Variants in CADM1 observed in about 807,000 individuals in gnomAD.
CADM1 encodes TSLC-1.
Under a neutral mutation model 53.1 loss-of-function variants are expected in CADM1, and 15 were observed. That is an observed-to-expected ratio of 0.28 (90% CI 0.19 to 0.44). The LOEUF is 0.44. CADM1 is among the 20% of genes least tolerant of loss of function. The pLI, the probability that CADM1 is intolerant of heterozygous loss-of-function variation, is 1.00. For missense variants in CADM1, 434 were observed against 611.3 expected, an observed-to-expected ratio of 0.71 and a Z score of 3.06; for synonymous variants, 281 against 243.0, an observed-to-expected ratio of 1.16 and a Z score of -1.45.
chr11:115,458,499 T>TATTATC (rs1948726918), intron 1 of CADM1, among the ~76,000 whole-genome samples: 1 of 51,542 alleles, frequency 1.9e-5, no homozygotes, highest in South Asian at 3.6e-4. Flanking sequence ...CTGTAATTAT[T>TATTATC]ATTATTATTA....
intron 1 of CADM1, among the ~76,000 whole-genome samples, chr11:115,350,002 G>A (rs572881658): frequency 9.9e-5 from 15 of 151,992 alleles, no homozygotes; most frequent in Admixed American, 7.2e-4. Context: ...ATGGAGTTTC[G>A]CTCTTGTGGC....
intron 1 of CADM1, among the ~76,000 whole-genome samples, chr11:115,241,808 T>C (rs1239486113): frequency 9.2e-5 from 14 of 152,070 alleles, no homozygotes; most frequent in Non-Finnish European, 2.1e-4. Context: ...TTACACCAAC[T>C]CGGGGCAGAT....
Position 115,178,692 on chromosome 11 carries a change from T to G in CADM1, c.1249A>C (p.Met417Leu). 1 of 1,613,832 alleles carries G rather than the reference T, an allele frequency of 6.2e-7. No homozygotes were observed. The highest frequency in any genetic ancestry group is 8.5e-7 in the Non-Finnish European group (1 of 1,179,990). ...GGVVAVVVFA[M>L]LCLLIILGRY... ...CCCAGAATGATGAGCAAGCACAGCA[T>G]GGCGAACACCACCACCGCCACGACG... Residue 417 changes from methionine (M) to leucine (L), a missense_variant, in exon 11 of 12, where the codon ATG becomes CTG. This residue lies in a region of CADM1 where 311 missense variants were observed against 435.1 expected (regional missense o/e 0.71). Transcript: ENST00000331581.
chr11:115,177,763 G>A (rs112294934), intron 11 of CADM1, among the ~76,000 whole-genome samples: 8 of 151,494 alleles, frequency 5.3e-5, no homozygotes, highest in Admixed American at 2.6e-4. Context: ...AGCTCTGATC[G>A]TCCTAAACTG....
chr11:115,359,827 G>T (rs1945981008), intron 1 of CADM1, among the ~76,000 whole-genome samples: 1 of 152,088 alleles, frequency 6.6e-6, no homozygotes, highest in African/African-American at 2.4e-5. Context: ...CTCCTAGTAG[G>T]GTTAAGTTTG....
intron 1 of CADM1, among the ~76,000 whole-genome samples, chr11:115,440,922 G>A (rs1948294505): frequency 6.6e-6 from 1 of 152,044 alleles, no homozygotes; most frequent in Non-Finnish European, 1.5e-5. Context: ...GGGACCACAG[G>A]TGCACATCAC....
intron 10 of CADM1, among the ~76,000 whole-genome samples, chr11:115,183,966 C>A (rs1163586266): frequency 6.6e-6 from 1 of 152,158 alleles, no homozygotes; most frequent in East Asian, 1.9e-4. Context: ...TCACGTGGCT[C>A]AGTTTTAGTT....
intron 1 of CADM1, among the ~76,000 whole-genome samples, chr11:115,272,578 C>T (rs1183072823): frequency 6.6e-6 from 1 of 151,992 alleles, no homozygotes; most frequent in African/African-American, 2.4e-5. Context: ...CTAACATTAG[C>T]AATTTGAAGA....
chr11:115,226,149 T>C (rs944644687), intron 5 of CADM1, among the ~76,000 whole-genome samples: 6 of 152,186 alleles, frequency 3.9e-5, no homozygotes, highest in Non-Finnish European at 7.3e-5. Context: ...ATATTAGTTG[T>C]ACATTTATTT....
chr11:115,302,925 A>G (rs1944269569), intron 1 of CADM1, among the ~76,000 whole-genome samples: 1 of 152,058 alleles, frequency 6.6e-6, no homozygotes, highest in African/African-American at 2.4e-5. Flanking sequence ...AAGACACATT[A>G]CCAGTTGCAA....
chr11:115,392,427 G>A (rs1188655410), intron 1 of CADM1, among the ~76,000 whole-genome samples: 2 of 151,706 alleles, frequency 1.3e-5, no homozygotes, highest in South Asian at 2.1e-4. Flanking sequence ...GACATATAAA[G>A]GCTTATTACC....
chr11:115,203,644 A>G (rs889974437), intron 8 of CADM1, among the ~76,000 whole-genome samples: 1 of 152,154 alleles, frequency 6.6e-6, no homozygotes, highest in Non-Finnish European at 1.5e-5. Flanking sequence ...CTCCAAGATT[A>G]TTTTTAAAAT....
rs572523701 is a variant in CADM1, at chr11:115,302,439, T to C, written c.125-62019A>G. Among the ~76,000 whole-genome samples the C allele has an allele frequency of 4.6e-5, 7 of 152,116 alleles. No individual in the cohort carries two copies. In the East Asian group the frequency reaches 1.2e-3, roughly 25 times the overall value. ...TTTAAACTGATATATCAAAGAAACT[T>C]GATGGGAGTTTTCCAGATTTTTCCT... On this transcript the variant is annotated intron_variant, in intron 1 of 11. Transcript: ENST00000331581.
At chr11:115,481,124 T>C (rs1414341473) in intron 1 of CADM1, among the ~76,000 whole-genome samples, 2 of 152,160 alleles carry the variant, frequency 1.3e-5, no homozygotes, top group South Asian at 2.1e-4. Context: ...AGTCCCCTTC[T>C]CCCTCACCCT....
intron 10 of CADM1, chr11:115,190,655 G>A (rs952094668): frequency 3.8e-6 from 2 of 526,732 alleles, no homozygotes; most frequent in Non-Finnish European, 3.4e-6. Context: ...AAGGTAACTT[G>A]TCCTCTCCTG....
At chr11:115,232,369 G>A (rs550140460) in intron 3 of CADM1, among the ~76,000 whole-genome samples, 1 of 152,150 alleles carries the variant, frequency 6.6e-6, no homozygotes, top group Non-Finnish European at 1.5e-5. Flanking sequence ...CATAACCTCT[G>A]ATGGATAATG....
intron 1 of CADM1, among the ~76,000 whole-genome samples, chr11:115,375,044 C>T (rs1054521187): frequency 2.6e-5 from 4 of 151,670 alleles, no homozygotes; most frequent in African/African-American, 9.7e-5. Context: ...AAAAAGAATC[C>T]CTGTCTTTTA....
At chr11:115,399,421 G>A (rs1264613184) in intron 1 of CADM1, 2 of 152,134 alleles carry the variant, frequency 1.3e-5, no homozygotes, top group Admixed American at 1.3e-4. Flanking sequence ...TGAGAAGTAT[G>A]ACTTACTGCT....
chr11:115,254,613 T>C (rs1047444208), intron 1 of CADM1, among the ~76,000 whole-genome samples: 1 of 147,578 alleles, frequency 6.8e-6, no homozygotes, highest in African/African-American at 2.5e-5. Context: ...AAACGCATAC[T>C]TGTAAGTCAC....
Sources: gnomAD v4.1 joint callset for allele counts (sites outside exome capture counted in the v4.1 genomes callset) on GRCh38, gnomAD v4.1.1 for gene constraint, gnomAD v4.1.1 regional missense constraint, MANE v1.5 for transcripts, NCBI Gene and HGNC (gene_info 2026-07-23, HGNC 2026-07-21) for gene names.